Variants in VPS8 observed in about 807,000 individuals in gnomAD.
VPS8 encodes VPS8 subunit of CORVET complex, also known as vacuolar protein sorting-associated protein 8 homolog.
A neutral mutation model predicts 216.4 loss-of-function variants in VPS8; 129 were observed. That is an observed-to-expected ratio of 0.60 (90% CI 0.52 to 0.69). VPS8 has a LOEUF of 0.69. Ranked by LOEUF, VPS8 falls within the 30% of genes least tolerant of loss-of-function variation. VPS8 has a pLI of 0.00. For synonymous variants in VPS8, 571 were observed against 565.4 expected (o/e 1.01, Z -0.14); for missense variants, 1,531 against 1,683.5 (o/e 0.91, Z 1.59).
chr3:185,030,962 T>A (rs1046366141), intron 46 of VPS8, among the ~76,000 whole-genome samples: 14 of 151,934 alleles, frequency 9.2e-5, no homozygotes, highest in African/African-American at 3.4e-4. Flanking sequence ...CAGGTGTTCT[T>A]ATGAAGTAAG....
intron 40 of VPS8, among the ~76,000 whole-genome samples, chr3:184,975,362 T>C (rs1428686640): frequency 6.6e-6 from 1 of 152,080 alleles, no homozygotes; most frequent in Non-Finnish European, 1.5e-5. Context: ...TTGTTATTGG[T>C]ATGTAGAAAT....
chr3:184,845,216 C>T (rs1232200304), intron 8 of VPS8, among the ~76,000 whole-genome samples: 3 of 152,006 alleles, frequency 2.0e-5, no homozygotes, highest in African/African-American at 7.2e-5. Context: ...ACCTTCTGTC[C>T]AGGTCATTTT....
intron 22 of VPS8, among the ~76,000 whole-genome samples, chr3:184,893,050 A>C (rs183183695): frequency 3.3e-5 from 5 of 152,366 alleles, no homozygotes; most frequent in Non-Finnish European, 7.3e-5. Context: ...TGAAACTGAC[A>C]TGAAAATATT....
At chr3:184,868,239 G>A (rs1727723136) in intron 18 of VPS8, 180 bp downstream of exon 18, 3 of 608,448 alleles carry the variant, frequency 4.9e-6, no homozygotes, top group East Asian at 2.9e-5. Flanking sequence ...GTTAGAATTA[G>A]GTTTGTCTAC....
chr3:184,894,347 A>T (rs1441761087), intron 22 of VPS8, among the ~76,000 whole-genome samples: 3 of 152,054 alleles, frequency 2.0e-5, no homozygotes, highest in Non-Finnish European at 4.4e-5. Context: ...GCCACAATAG[A>T]CTGAGCACAG....
chr3:184,895,026 G>A lies in VPS8; in HGVS notation c.2004+101G>A, dbSNP rs141621660. 1,257 of 964,568 alleles carry A rather than the reference G, an allele frequency of 1.3e-3. 10 individuals carry two copies. The East Asian group carries it at 0.015, about 12-fold the overall frequency. 59.8% of individuals were successfully genotyped at this position (964,568 alleles called of 1,614,324 possible). A position where few individuals can be genotyped will look rare whatever the true frequency, so the allele number is the denominator to read the frequency against. Reference sequence around the variant, plus strand: ...GGCCTGACCCTGCCTTCTAAGAACCGTAATTATTTATTGAGCACTTTTTGT... The same window carrying A: ...GGCCTGACCCTGCCTTCTAAGAACCATAATTATTTATTGAGCACTTTTTGT... On this transcript the variant is annotated intron_variant, in intron 23 of 47. Coordinates refer to ENST00000625842, the MANE Select transcript of VPS8 (RefSeq NM_001009921.3).
chr3:184,972,385 C>T (rs1748569878), intron 40 of VPS8, among the ~76,000 whole-genome samples: 2 of 152,288 alleles, frequency 1.3e-5, no homozygotes, highest in South Asian at 4.1e-4. Flanking sequence ...TTATCATCGT[C>T]TCTATTCCCT....
intron 45 of VPS8, among the ~76,000 whole-genome samples, chr3:185,011,127 C>CTTT (rs1754963446): frequency 8.3e-6 from 1 of 119,960 alleles, no homozygotes; most frequent in East Asian, 2.5e-4. Flanking sequence ...AAAAAAAAAA[C>CTTT]TTTAAAGAGA....
intron 21 of VPS8, among the ~76,000 whole-genome samples, chr3:184,871,079 T>TA (rs1728253894): frequency 6.6e-6 from 1 of 152,120 alleles, no homozygotes; most frequent in African/African-American, 2.4e-5. Context: ...TGTAAACTGA[T>TA]ACCTTATAGT....
At position 184,920,158 on chromosome 3, in the gene VPS8, C is replaced by A; in HGVS notation, c.2414C>A (p.Ala805Asp). ...TFEDFKNDKQ[A>D]VEYQQRIVDI... is the part of the protein sequence containing the mutation. ...GAAGATTTTAAAAATGACAAGCAAG[C>A]TGTGGAATATCAACAGCGAATTGTG... The change falls in exon 29 of 48, where the codon GCT becomes GAT. Residue 805 changes from alanine to aspartate, a missense_variant. Coordinates refer to ENST00000625842, the MANE Select transcript of VPS8 (RefSeq NM_001009921.3). The A allele has an allele frequency of 6.6e-7, 1 of 1,524,944 alleles. No individual in the cohort carries two copies. The highest frequency in any genetic ancestry group is 1.3e-5 in the South Asian group (1 of 76,918). The allele number at this position is 1,524,944 out of a possible 1,614,324, so 94.5% of individuals were successfully genotyped here.
chr3:184,898,731 A>G, intron 24 of VPS8, 77 bp downstream of exon 24: 1 of 1,135,924 alleles, frequency 8.8e-7, no homozygotes, highest in Non-Finnish European at 1.2e-6. Flanking sequence ...TTTGCTTTTA[A>G]TAGTTTCTAG....
In VPS8 at chr3:184,993,976, C is replaced by A; in HGVS notation, c.3586-7C>A. The A allele has an allele frequency of 6.5e-7, 1 of 1,531,544 alleles. No homozygotes were observed. Among genetic ancestry groups the A allele is most frequent in the African/African-American group, 1.4e-5 (1 of 71,782 alleles). The allele number at this position is 1,531,544 out of a possible 1,614,324, so 94.9% of individuals were successfully genotyped here. A position where few individuals can be genotyped will look rare whatever the true frequency, so the allele number is the denominator to read the frequency against. ...ATTGTAACAGAATTGTAATTTTTTCCGATTAGGATCCAGTTTATGGAAAAG... is the reference window on the plus strand; with the variant it reads ...ATTGTAACAGAATTGTAATTTTTTCAGATTAGGATCCAGTTTATGGAAAAG... On this transcript the variant is annotated splice_region_variant and splice_polypyrimidine_tract_variant and intron_variant, in intron 42 of 47. Transcript: ENST00000625842.
At chr3:184,946,831 G>GA (rs1296319837) in intron 36 of VPS8, among the ~76,000 whole-genome samples, 4 of 151,812 alleles carry the variant, frequency 2.6e-5, no homozygotes, top group Admixed American at 1.3e-4. Context: ...TCATTTTAGG[G>GA]AAAAAAACTT....
chr3:184,831,493 G>A (rs1174614961), intron 3 of VPS8, among the ~76,000 whole-genome samples: 3 of 152,202 alleles, frequency 2.0e-5, no homozygotes, highest in African/African-American at 7.2e-5. Context: ...AGAAGGTAGT[G>A]CAGCTGAAAG....
chr3:185,020,793 C>T lies in VPS8; in HGVS notation c.4003-3543C>T, dbSNP rs115979230. ...CCTATTTTAACAACAACAACAAAAG[C>T]CAGCTGTGGTGGCTCACGCCTGTAA... On this transcript the variant is annotated intron_variant, in intron 45 of 47. Transcript: ENST00000625842. Among the ~76,000 whole-genome samples, 673 of 152,298 alleles carry T rather than the reference C, an allele frequency of 4.4e-3. 7 individuals are homozygous for T. The highest frequency in any genetic ancestry group is 0.015 in the African/African-American group (631 of 41,570).
intron 22 of VPS8, among the ~76,000 whole-genome samples, chr3:184,886,508 TAC>T (rs565380371): frequency 3.3e-5 from 5 of 149,808 alleles, no homozygotes; most frequent in African/African-American, 1.2e-4. Context: ...CATATATATA[TAC>T]ACACACACAT....
At chr3:184,885,427 A>T (rs986605128) in intron 21 of VPS8, among the ~76,000 whole-genome samples, 1 of 152,212 alleles carries the variant, frequency 6.6e-6, no homozygotes, top group African/African-American at 2.4e-5. Flanking sequence ...AAAATTATGG[A>T]TTATCATTTA....
chr3:184,955,620 CTTTA>C (rs756410529), intron 36 of VPS8, among the ~76,000 whole-genome samples: 2 of 152,064 alleles, frequency 1.3e-5, no homozygotes, highest in Non-Finnish European at 2.9e-5. Flanking sequence ...TGTCTTGTGT[CTTTA>C]TTTATTACAA....
intron 47 of VPS8, among the ~76,000 whole-genome samples, chr3:185,050,163 C>A (rs1303886526): frequency 6.7e-6 from 1 of 149,366 alleles, no homozygotes; most frequent in Non-Finnish European, 1.5e-5. Flanking sequence ...TCCCACCTCA[C>A]AGTGTCAGGA....
Sources: allele counts gnomAD v4.1 joint callset (sites outside exome capture counted in the v4.1 genomes callset), GRCh38; gene constraint gnomAD v4.1.1; transcripts MANE v1.5; gene names NCBI Gene and HGNC (gene_info 2026-07-23, HGNC 2026-07-21).